Variants in IFFO2 observed in about 807,000 individuals in gnomAD.
The protein encoded by IFFO2 is intermediate filament family orphan 2.
IFFO2 carries 19 observed loss-of-function variants against 53.5 expected under a neutral mutation model. That is an observed-to-expected ratio of 0.36 (90% CI 0.25 to 0.52). The LOEUF (loss-of-function observed/expected upper bound fraction) is 0.52. IFFO2 is among the 20% of genes least tolerant of loss of function. The pLI, the probability that IFFO2 is intolerant of heterozygous loss-of-function variation, is 0.94. For missense variants in IFFO2, 570 were observed against 727.4 expected (o/e 0.78, Z 2.49); for synonymous variants, 303 against 313.6 (o/e 0.97, Z 0.36).
At position 18,928,104 on chromosome 1, in the gene IFFO2, C is replaced by T. The variant is rs1019995931; in HGVS notation, c.666-6983G>A. ...TCCTGACTTTCTCTCCCACATGGCA[C>T]GCTGCAAGCCCGTCTTCTCCCCCGA... On this transcript the variant is annotated intron_variant, in intron 1 of 8. Transcript: ENST00000455833. The surrounding 1 kb of genome is among the most constrained non-coding windows in gnomAD (Gnocchi z 4.9). Among the ~76,000 whole-genome samples, 4 of 152,154 alleles carry T rather than the reference C, an allele frequency of 2.6e-5. No homozygotes were observed. The highest frequency in any genetic ancestry group is 6.5e-5 in the Admixed American group (1 of 15,284).
At chr1:18,933,455 C>T (rs1175650906) in intron 1 of IFFO2, among the ~76,000 whole-genome samples, 1 of 152,248 alleles carries the variant, frequency 6.6e-6, no homozygotes, top group Admixed American at 6.5e-5. Flanking sequence ...AGAACTGTCA[C>T]TCTGTCCCCT....
intron 1 of IFFO2, among the ~76,000 whole-genome samples, chr1:18,935,775 G>A (rs1425299749): frequency 6.7e-6 from 1 of 149,012 alleles, no homozygotes; most frequent in Non-Finnish European, 1.5e-5. Flanking sequence ...CAGCTCTCTC[G>A]ACCTCCTAGG....
rs185321296 is a variant in IFFO2, at chr1:18,946,035, G to A, written c.665+9633C>T. ...ATAGCAGGTTTCTGTCCAACCTCCC[G>A]TCCCAGGATCTAGGGGAGGTGTGAA... On this transcript the variant is annotated intron_variant, in intron 1 of 8. Coordinates refer to ENST00000455833, the MANE Select transcript of IFFO2 (RefSeq NM_001136265.2). Among the ~76,000 whole-genome samples the A allele has an allele frequency of 6.2e-4, 95 of 152,248 alleles. No homozygotes were observed. In the South Asian group the frequency reaches 7.9e-3, roughly 13 times the overall value.
chr1:18,955,020 T>C (rs1936705715), intron 1 of IFFO2, among the ~76,000 whole-genome samples: 1 of 152,238 alleles, frequency 6.6e-6, no homozygotes, highest in Non-Finnish European at 1.5e-5. Flanking sequence ...CCCAGCAAGC[T>C]GGACCTTACA....
chr1:18,918,655 G>A lies in IFFO2; in HGVS notation c.823-153C>T, dbSNP rs1936170414. 6.6e-6 allele frequency among the ~76,000 whole-genome samples: 1 copy of A among 151,832 alleles called. No individual in the cohort carries two copies. On this transcript the variant is annotated intron_variant, in intron 3 of 8. Coordinates refer to ENST00000455833, the MANE Select transcript of IFFO2 (RefSeq NM_001136265.2). The surrounding 1 kb of genome is among the most constrained non-coding windows in gnomAD (Gnocchi z 5.2). ...GCCTTGGGCTTTTCCGTGGAGTGGA[G>A]GGCTGCGGCGGCACTGGTCAGGGTG...
rs1935987516 is a variant in IFFO2 at position 18,908,646 on chromosome 1, G to T, written c.1469C>A (p.Ser490Tyr). Residue 490 changes from serine (S) to tyrosine (Y), a missense_variant, in exon 9 of 9, where the codon TCC (serine) becomes TAC (tyrosine). Physicochemically the swap from Ser to Tyr is moderately radical, Grantham distance 144. Transcript: ENST00000455833. ...ACTTCCTGAGTCGCTGCTGGCCACG[G>T]AGCTGGGGGACGGTGAATTCCTGAG... is the stretch of plus-strand genomic sequence containing the variant. ...SADRNSPSPS[S>Y]VASSDSGSTD... 1.3e-6 allele frequency: 2 copies of T among 1,551,570 alleles called. No individual in the cohort carries two copies. Among genetic ancestry groups the T allele is most frequent in the Non-Finnish European group, 1.7e-6 (2 of 1,146,866 alleles).
Position 18,933,138 on chromosome 1 carries a change from G to A in IFFO2, c.666-12017C>T, listed in dbSNP as rs145462983. On this transcript the variant is annotated intron_variant, in intron 1 of 8. Coordinates refer to ENST00000455833, the MANE Select transcript of IFFO2 (RefSeq NM_001136265.2). ...CTCTTCCTGCTGAGAGAGGGGAGGC[G>A]AGTTCCGGAGCTCTCGCTGGGGCAG... Among the ~76,000 whole-genome samples the A allele has an allele frequency of 1.1e-3, 166 of 152,348 alleles. No individual in the cohort carries two copies. The Middle Eastern group carries it at 0.014, about 12-fold the overall frequency.
intron 1 of IFFO2, among the ~76,000 whole-genome samples, chr1:18,938,544 T>C (rs1402150685): frequency 6.6e-6 from 1 of 152,190 alleles, no homozygotes; most frequent in Non-Finnish European, 1.5e-5. Context: ...ATGAATGAGC[T>C]TGTGAGCTGG....
At chr1:18,913,811 G>T (rs1408626581) in intron 5 of IFFO2, among the ~76,000 whole-genome samples, 3 of 111,938 alleles carry the variant, frequency 2.7e-5, no homozygotes, top group Admixed American at 8.5e-5. Context: ...TTCGTTGTTT[G>T]TTGTTGTTGT....
rs1569839975 is a variant in IFFO2, at chr1:18,919,209, T to C, written c.822+469A>G. On this transcript the variant is annotated intron_variant, in intron 3 of 8. Coordinates refer to ENST00000455833, the MANE Select transcript of IFFO2 (RefSeq NM_001136265.2). This position sits in a 1 kb window ranked among gnomAD's most constrained non-coding sequence, Gnocchi z 4.9. ...CACAGATACTTAGAGGGGCCCCAGA[T>C]TGTCAAAAAGACACGCGCACTGGCC... Among the ~76,000 whole-genome samples, 1 of 152,138 alleles carries C rather than the reference T, an allele frequency of 6.6e-6. No homozygotes were observed. Among genetic ancestry groups the C allele is most frequent in the South Asian group, 2.1e-4 (1 of 4,832 alleles).
chr1:18,922,330 T>C (rs2180120), intron 1 of IFFO2, among the ~76,000 whole-genome samples: 148,742 of 152,222 alleles, frequency 0.98, 72,690 homozygotes, highest in East Asian at 1. Context: ...AGGAGTTTCT[T>C]TCCTTCCTCA....
chr1:18,922,477 CAA>C (rs1936229559), intron 1 of IFFO2, among the ~76,000 whole-genome samples: 2 of 152,132 alleles, frequency 1.3e-5, no homozygotes, highest in South Asian at 4.1e-4. Flanking sequence ...CTTTTGGAAA[CAA>C]GAGAAAACGG....
At chr1:18,951,435 G>A (rs146905845) in intron 1 of IFFO2, among the ~76,000 whole-genome samples, 1 of 152,194 alleles carries the variant, frequency 6.6e-6, no homozygotes, top group Non-Finnish European at 1.5e-5. Context: ...GGCGCATACA[G>A]TCAGCCACTC....
chr1:18,923,344 G>A (rs1285051156), intron 1 of IFFO2, among the ~76,000 whole-genome samples: 1 of 152,236 alleles, frequency 6.6e-6, no homozygotes, highest in African/African-American at 2.4e-5. Flanking sequence ...AGGCGAGGCA[G>A]GGGCCAATAG....
rs1275399562 is a variant in IFFO2 at position 18,908,031 on chromosome 1, G to A, written c.*530C>T. ...CCTACCCAGGCCTAGAAAGCTCACA[G>A]AGGCAAGCGGCTCCTTCCTGGGGGT... On this transcript the variant is annotated 3_prime_UTR_variant, in exon 9 of 9. Coordinates refer to ENST00000455833, the MANE Select transcript of IFFO2 (RefSeq NM_001136265.2). 1 of 157,824 alleles carries A rather than the reference G, an allele frequency of 6.3e-6. No individual in the cohort carries two copies. The highest frequency in any genetic ancestry group is 1.4e-5 in the Non-Finnish European group (1 of 70,882). The allele number at this position is 157,824 out of a possible 1,614,324, so 9.8% of individuals were successfully genotyped here.
intron 1 of IFFO2, among the ~76,000 whole-genome samples, chr1:18,940,817 A>T (rs1936510442): frequency 6.6e-6 from 1 of 152,180 alleles, no homozygotes; most frequent in African/African-American, 2.4e-5. Flanking sequence ...CTAAACATGC[A>T]GATACAAATA....
At chr1:18,912,191 G>A in intron 5 of IFFO2, 108 bp from the exon 6 acceptor site, 1 of 1,381,670 alleles carries the variant, frequency 7.2e-7, no homozygotes, top group Non-Finnish European at 9.8e-7. Flanking sequence ...CTTCAAGGCT[G>A]TCCTCAGGAA....
intron 1 of IFFO2, among the ~76,000 whole-genome samples, chr1:18,921,459 T>C (rs1027850433): frequency 1.3e-5 from 2 of 152,248 alleles, no homozygotes; most frequent in African/African-American, 2.4e-5. Context: ...GCTCCTGTTG[T>C]TGCTGCAAGA....
At chr1:18,945,006 C>T (rs944008275) in intron 1 of IFFO2, among the ~76,000 whole-genome samples, 1 of 152,146 alleles carries the variant, frequency 6.6e-6, no homozygotes, top group Non-Finnish European at 1.5e-5. Flanking sequence ...GGCTCAAGCC[C>T]GGGCACCAGG....
Sources: gnomAD v4.1 joint callset for allele counts (sites outside exome capture counted in the v4.1 genomes callset) on GRCh38, gnomAD v4.1.1 for gene constraint, Gnocchi (gnomAD v3.1) non-coding constraint, MANE v1.5 for transcripts, NCBI Gene and HGNC (gene_info 2026-07-23, HGNC 2026-07-21) for gene names.